Variants in ETV2 observed in about 807,000 individuals in gnomAD.
ETV2 encodes the protein ETS translocation variant 2.
In ETV2, 34 loss-of-function variants were observed where a neutral mutation model predicts 35.7. The observed-to-expected ratio is 0.95, with a 90% CI of 0.72 to 1.27. The LOEUF is 1.27. Among genes scored for constraint, ETV2 ranks in the 50% most tolerant of loss-of-function variants. The pLI is 0.00. For missense variants in ETV2, 512 were observed against 470.5 expected, an observed-to-expected ratio of 1.09 and a Z score of -0.82; for synonymous variants, 207 against 203.9, an observed-to-expected ratio of 1.02 and a Z score of -0.13.
chr19:35,643,567 G>C lies in ETV2; in HGVS notation c.529G>C (p.Asp177His). The stretch of plus-strand genomic sequence containing the variant: ...TGGCCTGGGCGGGGAGCCGCGCACG[G>C]ACTGTACCATTTCGTGGGGCGGGCC... Reference protein sequence around the residue: ...GSGLGGEPRTDCTISWGGPAG... With the variant: ...GSGLGGEPRTHCTISWGGPAG... The change falls in exon 5 of 7, where the codon GAC (aspartate) becomes CAC (histidine). Residue 177 changes from aspartate to histidine, a missense_variant. By Grantham distance (81) the Asp-to-His change is moderately conservative (BLOSUM62 -1). Transcript: ENST00000402764. The surrounding 1 kb of genome is among the most constrained non-coding windows in gnomAD (Gnocchi z 5.0). The C allele has an allele frequency of 7.6e-6, 12 of 1,573,568 alleles. No homozygotes were observed. The highest frequency in any genetic ancestry group is 8.6e-6 in the Non-Finnish European group (10 of 1,159,906).
In ETV2 at chr19:35,643,032, TC is replaced by T; in HGVS notation, c.224del (p.Pro75HisfsTer132). 6.5e-7 allele frequency: 1 copy of T among 1,534,504 alleles called. No homozygotes were observed. Among genetic ancestry groups the T allele is most frequent in the Non-Finnish European group, 8.8e-7 (1 of 1,130,076 alleles). On this transcript the variant is annotated frameshift_variant, in exon 4 of 7. Transcript: ENST00000402764. LOFTEE classifies it high-confidence loss of function. The surrounding 1 kb of genome is among the most constrained non-coding windows in gnomAD (Gnocchi z 5.0). ...GCTCCGCGTTACTGCACCCAGAAGT[TC>T]CATGGGGGGCGGGTGAGTGTGGGGA... ...WGSALLHPEV[P>X]WGAEPDSQAL...
chr19:35,644,146 C>G lies in ETV2; in HGVS notation c.716-89C>G, dbSNP rs1298632772. 1.1e-6 allele frequency: 1 copy of G among 915,204 alleles called. No individual in the cohort carries two copies. Among genetic ancestry groups the G allele is most frequent in the Non-Finnish European group, 1.7e-6 (1 of 574,912 alleles). 56.7% of individuals were successfully genotyped at this position (915,204 alleles called of 1,614,324 possible). ...GATCCCCTTCTCGGGTCCTGGGTCCCGAGTTGGGAGGACCCGGACCTCTAG... is the reference window on the plus strand; with the variant it reads ...GATCCCCTTCTCGGGTCCTGGGTCCGGAGTTGGGAGGACCCGGACCTCTAG... On this transcript the variant is annotated intron_variant, in intron 5 of 6. Coordinates refer to ENST00000402764, the MANE Select transcript of ETV2 (RefSeq NM_014209.4). This position sits in a 1 kb window ranked among gnomAD's most constrained non-coding sequence, Gnocchi z 4.7.
At position 35,643,545 on chromosome 19, in the gene ETV2, C is replaced by G. The variant is rs1262963962; in HGVS notation, c.507C>G (p.Gly169=). Residue 169 remains glycine (G), a synonymous_variant, in exon 5 of 7, where the codon GGC becomes GGG. Transcript: ENST00000402764. The surrounding 1 kb of genome is among the most constrained non-coding windows in gnomAD (Gnocchi z 5.0). ...GPDGDTYWGS[G]LGGEPRTDCT... ...ACGGCGATACCTACTGGGGCAGTGG[C>G]CTGGGCGGGGAGCCGCGCACGGACT... 6.4e-7 allele frequency: 1 copy of G among 1,554,472 alleles called. No homozygotes were observed. Among genetic ancestry groups the G allele is most frequent in the Admixed American group, 2.0e-5 (1 of 50,762 alleles).
In ETV2 at chr19:35,644,753, G is replaced by C. The variant is rs1024974009; in HGVS notation, c.930G>C (p.Lys310Asn). Reference sequence around the variant, plus strand: ...ACTATCGCCGCGACATCGTGCGCAAGAGCGGGGGGCGAAAGTACACGTACC... The same window carrying C: ...ACTATCGCCGCGACATCGTGCGCAACAGCGGGGGGCGAAAGTACACGTACC... ...RYYYRRDIVRKSGGRKYTYRF... is the reference protein window; with the variant it reads ...RYYYRRDIVRNSGGRKYTYRF... Residue 310 changes from lysine to asparagine, a missense_variant, in exon 7 of 7, where the codon AAG (lysine) becomes AAC (asparagine). Lys to Asn is a moderately conservative substitution (Grantham distance 94). Transcript: ENST00000402764. The surrounding 1 kb of genome is among the most constrained non-coding windows in gnomAD (Gnocchi z 4.7). The C allele has an allele frequency of 6.2e-7, 1 of 1,610,584 alleles. No homozygotes were observed. Among genetic ancestry groups the C allele is most frequent in the Non-Finnish European group, 8.5e-7 (1 of 1,177,922 alleles).
Position 35,643,053 on chromosome 19 carries a change from TG to T in ETV2, c.235+12del, listed in dbSNP as rs1215893941. On this transcript the variant is annotated intron_variant, in intron 4 of 6. Transcript: ENST00000402764. The surrounding 1 kb of genome is among the most constrained non-coding windows in gnomAD (Gnocchi z 5.0). The stretch of plus-strand genomic sequence containing the variant: ...AAGTTCCATGGGGGGCGGGTGAGTG[TG>T]GGGAGAGGCGGTGGGAGGTGGGGAC... The T allele has an allele frequency of 4.0e-6, 6 of 1,504,306 alleles. No homozygotes were observed. The Admixed American group carries it at 1.0e-4, about 26-fold the overall frequency. The allele number at this position is 1,504,306 out of a possible 1,614,324, so 93.2% of individuals were successfully genotyped here.
In ETV2 at chr19:35,643,881, A is replaced by T. The variant is rs1967694386; in HGVS notation, c.715+128A>T. 7.3e-7 allele frequency: 1 copy of T among 1,373,820 alleles called. No individual in the cohort carries two copies. Among genetic ancestry groups the T allele is most frequent in the African/African-American group, 1.5e-5 (1 of 68,538 alleles). 85.1% of individuals were successfully genotyped at this position (1,373,820 alleles called of 1,614,324 possible). On this transcript the variant is annotated intron_variant, in intron 5 of 6. Transcript: ENST00000402764. This position sits in a 1 kb window ranked among gnomAD's most constrained non-coding sequence, Gnocchi z 5.0. ...GGGGGCTTAGGGACCAGGGGCTCGA[A>T]GGAGGGGCCGGTGGCCCGCACTCCA...
Position 35,644,163 on chromosome 19 carries a change from G to A in ETV2, c.716-72G>A. 9.4e-7 allele frequency: 1 copy of A among 1,060,586 alleles called. No homozygotes were observed. The highest frequency in any genetic ancestry group is 2.0e-5 in the Admixed American group (1 of 50,386). 65.7% of individuals were successfully genotyped at this position (1,060,586 alleles called of 1,614,324 possible). A position where few individuals can be genotyped will look rare whatever the true frequency, so the allele number is the denominator to read the frequency against. On this transcript the variant is annotated intron_variant, in intron 5 of 6. Coordinates refer to ENST00000402764, the MANE Select transcript of ETV2 (RefSeq NM_014209.4). This position sits in a 1 kb window ranked among gnomAD's most constrained non-coding sequence, Gnocchi z 4.7. ...CTGGGTCCCGAGTTGGGAGGACCCG[G>A]ACCTCTAGATCATTGAAGTGGTGTG...
In ETV2 at chr19:35,642,233, C is replaced by T. The variant is rs1967619397; in HGVS notation, c.-28+77C>T. 2 of 451,322 alleles carry T rather than the reference C, an allele frequency of 4.4e-6. No homozygotes were observed. The highest frequency in any genetic ancestry group is 2.0e-5 in the African/African-American group (1 of 48,808). 28.0% of individuals were successfully genotyped at this position (451,322 alleles called of 1,614,324 possible). On this transcript the variant is annotated intron_variant, in intron 1 of 6. Coordinates refer to ENST00000402764, the MANE Select transcript of ETV2 (RefSeq NM_014209.4). The surrounding 1 kb of genome is among the most constrained non-coding windows in gnomAD (Gnocchi z 4.4). ...CTGGGGGACTAGACTCCCAAGAAGC[C>T]GGGGGCCTGGACTCCTGGGTCTAAC...
chr19:35,642,685 G>A lies in ETV2; in HGVS notation c.141G>A (p.Glu47=). ...LQGDTPTATA[E]TCWKGTSSSL... is the part of the protein sequence containing the mutation. Reference sequence around the variant, plus strand: ...GGGACACGCCGACAGCGACAGCAGAGACATGCTGGAAAGGTGGCTGCGGGC... The same window carrying A: ...GGGACACGCCGACAGCGACAGCAGAAACATGCTGGAAAGGTGGCTGCGGGC... Residue 47 remains glutamate, a synonymous_variant, in exon 3 of 7, where the codon GAG becomes GAA. Coordinates refer to ENST00000402764, the MANE Select transcript of ETV2 (RefSeq NM_014209.4). This position sits in a 1 kb window ranked among gnomAD's most constrained non-coding sequence, Gnocchi z 4.4. The A allele has an allele frequency of 6.3e-7, 1 of 1,599,658 alleles. No homozygotes were observed. The highest frequency in any genetic ancestry group is 8.5e-7 in the Non-Finnish European group (1 of 1,173,220).
chr19:35,644,072 A>G lies in ETV2; in HGVS notation c.716-163A>G, dbSNP rs1411502681. 6.6e-6 allele frequency among the ~76,000 whole-genome samples: 1 copy of G among 152,022 alleles called. No homozygotes were observed. The highest frequency in any genetic ancestry group is 1.5e-5 in the Non-Finnish European group (1 of 67,962). On this transcript the variant is annotated intron_variant, in intron 5 of 6. Transcript: ENST00000402764. This position sits in a 1 kb window ranked among gnomAD's most constrained non-coding sequence, Gnocchi z 4.7. ...TAAATCTCTGAGACTGGGGCCCTGG[A>G]CGCTTGAGTCTCCAAGGCTGACTGT...
Position 35,644,801 on chromosome 19 carries a change from C to A in ETV2, c.978C>A (p.Ser326Arg), listed in dbSNP as rs141901628. Residue 326 changes from serine (S) to arginine (R), a missense_variant, in exon 7 of 7, where the codon AGC becomes AGA. Transcript: ENST00000402764. This position sits in a 1 kb window ranked among gnomAD's most constrained non-coding sequence, Gnocchi z 4.7. ...YTYRFGGRVPSLAYPDCAGGG... is the reference protein window; with the variant it reads ...YTYRFGGRVPRLAYPDCAGGG... ...ACCGCTTCGGGGGCCGCGTGCCCAG[C>A]CTAGCCTATCCGGACTGTGCGGGAG... The A allele has an allele frequency of 1.9e-6, 3 of 1,611,738 alleles. No individual in the cohort carries two copies. Among genetic ancestry groups the A allele is most frequent in the Non-Finnish European group, 2.5e-6 (3 of 1,179,090 alleles).
chr19:35,644,659 G>C lies in ETV2; in HGVS notation c.836G>C (p.Arg279Pro), dbSNP rs746158507. ...AGCGGGCCTCTGTCCTAGGTGGCTC[G>C]GCTGTGGGGCGAGCGCAAGAGAAAG... ...FQLCDPKEVARLWGERKRKPG... is the reference protein window; with the variant it reads ...FQLCDPKEVAPLWGERKRKPG... Residue 279 changes from arginine to proline, a missense_variant, in exon 7 of 7, where the codon CGG becomes CCG. By Grantham distance (103) the Arg-to-Pro change is moderately radical. Transcript: ENST00000402764. This position sits in a 1 kb window ranked among gnomAD's most constrained non-coding sequence, Gnocchi z 4.7. 5 of 1,605,102 alleles carry C rather than the reference G, an allele frequency of 3.1e-6. No individual in the cohort carries two copies. The highest frequency in any genetic ancestry group is 2.7e-5 in the African/African-American group (2 of 74,920).
In ETV2 at chr19:35,644,283, C is replaced by T; in HGVS notation, c.764C>T (p.Ala255Val). 1 of 1,560,988 alleles carries T rather than the reference C, an allele frequency of 6.4e-7. No homozygotes were observed. The highest frequency in any genetic ancestry group is 1.2e-5 in the South Asian group (1 of 84,712). The change falls in exon 6 of 7, where the codon GCG becomes GTG. Residue 255 changes from alanine (A) to valine (V), a missense_variant. Physicochemically the swap from Ala to Val is moderately conservative, Grantham distance 64. Coordinates refer to ENST00000402764, the MANE Select transcript of ETV2 (RefSeq NM_014209.4). The surrounding 1 kb of genome is among the most constrained non-coding windows in gnomAD (Gnocchi z 4.7). ...QFLLELLHDG[A>V]RSSCIRWTGN... is the part of the protein sequence containing the mutation. ...CTCCTGGAGCTGCTCCACGACGGGG[C>T]GCGTAGCAGCTGCATCCGTTGGACT... is the stretch of plus-strand genomic sequence containing the variant.
chr19:35,644,411 C>A lies in ETV2; in HGVS notation c.828+64C>A. The stretch of plus-strand genomic sequence containing the variant: ...TCTTCTAGTTCAATTTAGCTCCGCC[C>A]AAGGGCTAGGTTCAACCGCGTAGCC... On this transcript the variant is annotated intron_variant, in intron 6 of 6. Coordinates refer to ENST00000402764, the MANE Select transcript of ETV2 (RefSeq NM_014209.4). This position sits in a 1 kb window ranked among gnomAD's most constrained non-coding sequence, Gnocchi z 4.7. The A allele has an allele frequency of 5.0e-6, 6 of 1,192,544 alleles. No individual in the cohort carries two copies. The highest frequency in any genetic ancestry group is 1.3e-5 in the South Asian group (1 of 75,540). 73.9% of individuals were successfully genotyped at this position (1,192,544 alleles called of 1,614,324 possible). A position where few individuals can be genotyped will look rare whatever the true frequency, so the allele number is the denominator to read the frequency against.
In ETV2 at chr19:35,642,583, C is replaced by T; in HGVS notation, c.71-32C>T. 1 of 1,612,688 alleles carries T rather than the reference C, an allele frequency of 6.2e-7. No homozygotes were observed. Among genetic ancestry groups the T allele is most frequent in the Non-Finnish European group, 8.5e-7 (1 of 1,179,372 alleles). On this transcript the variant is annotated intron_variant, in intron 2 of 6. Transcript: ENST00000402764. The surrounding 1 kb of genome is among the most constrained non-coding windows in gnomAD (Gnocchi z 4.4). Reference sequence around the variant, plus strand: ...TGTGGGGAGGGTGTCCAGGTGGGGCCTCTGCTGACCCTAACCCCTTATCGC... The same window carrying T: ...TGTGGGGAGGGTGTCCAGGTGGGGCTTCTGCTGACCCTAACCCCTTATCGC...
At position 35,643,460 on chromosome 19, in the gene ETV2, C is replaced by G. The variant is rs1435567426; in HGVS notation, c.422C>G (p.Ser141Trp). 3.2e-6 allele frequency: 5 copies of G among 1,547,538 alleles called. No individual in the cohort carries two copies. The South Asian group carries it at 3.6e-5, about 11-fold the overall frequency. The change falls in exon 5 of 7, where the codon TCG (serine) becomes TGG (tryptophan). Residue 141 changes from serine to tryptophan, a missense_variant. By Grantham distance (177) the Ser-to-Trp change is radical. Transcript: ENST00000402764. The surrounding 1 kb of genome is among the most constrained non-coding windows in gnomAD (Gnocchi z 5.0). The stretch of plus-strand genomic sequence containing the variant: ...GTCCCCGTGGCGGGAGAGGCCACCT[C>G]GTGGTCGCGCGCCCAGGCCGCCGGG... ...NCVPVAGEAT[S>W]WSRAQAAGSN...
Position 35,643,445 on chromosome 19 carries a change from C to T in ETV2, c.407C>T (p.Ala136Val). ...GAAGQNCVPVAGEATSWSRAQ... is the reference protein window; with the variant it reads ...GAAGQNCVPVVGEATSWSRAQ... Reference sequence around the variant, plus strand: ...GCGGGCCAGAACTGCGTCCCCGTGGCGGGAGAGGCCACCTCGTGGTCGCGC... The same window carrying T: ...GCGGGCCAGAACTGCGTCCCCGTGGTGGGAGAGGCCACCTCGTGGTCGCGC... Residue 136 changes from alanine to valine, a missense_variant, in exon 5 of 7, where the codon GCG (alanine) becomes GTG (valine). Transcript: ENST00000402764. This position sits in a 1 kb window ranked among gnomAD's most constrained non-coding sequence, Gnocchi z 5.0. 1 of 1,546,200 alleles carries T rather than the reference C, an allele frequency of 6.5e-7. No homozygotes were observed. The highest frequency in any genetic ancestry group is 8.7e-7 in the Non-Finnish European group (1 of 1,145,400).
rs776976052 is a variant in ETV2 at position 35,642,678 on chromosome 19, C to T, written c.134C>T (p.Thr45Ile). Residue 45 changes from threonine to isoleucine, a missense_variant, in exon 3 of 7, where the codon ACA becomes ATA. Physicochemically the swap from Thr to Ile is moderately conservative, Grantham distance 89. Coordinates refer to ENST00000402764, the MANE Select transcript of ETV2 (RefSeq NM_014209.4). The surrounding 1 kb of genome is among the most constrained non-coding windows in gnomAD (Gnocchi z 4.4). Reference protein sequence around the residue: ...LALQGDTPTATAETCWKGTSS... With the variant: ...LALQGDTPTAIAETCWKGTSS... ...CTCCAAGGGGACACGCCGACAGCGA[C>T]AGCAGAGACATGCTGGAAAGGTGGC... The T allele has an allele frequency of 6.2e-6, 10 of 1,601,522 alleles. No individual in the cohort carries two copies. The East Asian group carries it at 2.3e-4, about 36-fold the overall frequency.
chr19:35,643,053 TGG>T lies in ETV2; in HGVS notation c.235+11_235+12del. ...AAGTTCCATGGGGGGCGGGTGAGTGTGGGGAGAGGCGGTGGGAGGTGGGGACT... is the reference window on the plus strand; with the variant it reads ...AAGTTCCATGGGGGGCGGGTGAGTGTGGAGAGGCGGTGGGAGGTGGGGACT... On this transcript the variant is annotated intron_variant, in intron 4 of 6. Transcript: ENST00000402764. The surrounding 1 kb of genome is among the most constrained non-coding windows in gnomAD (Gnocchi z 5.0). 1 of 1,504,306 alleles carries T rather than the reference TGG, an allele frequency of 6.6e-7. No homozygotes were observed. Among genetic ancestry groups the T allele is most frequent in the Non-Finnish European group, 9.0e-7 (1 of 1,108,218 alleles). The allele number at this position is 1,504,306 out of a possible 1,614,324, so 93.2% of individuals were successfully genotyped here. A position where few individuals can be genotyped will look rare whatever the true frequency, so the allele number is the denominator to read the frequency against.
Sources: gnomAD v4.1 joint callset for allele counts (sites outside exome capture counted in the v4.1 genomes callset) on GRCh38, gnomAD v4.1.1 for gene constraint, Gnocchi (gnomAD v3.1) non-coding constraint, MANE v1.5 for transcripts, NCBI Gene and HGNC (gene_info 2026-07-23, HGNC 2026-07-21) for gene names.